EYS: variants seen among roughly 807,000 people sequenced by gnomAD.
EYS encodes EGF-like photoreceptor maintenance factor.
Under a neutral mutation model 282.1 loss-of-function variants are expected in EYS, and 250 were observed. The observed-to-expected ratio is 0.89, with a 90% CI of 0.80 to 0.98. EYS has a LOEUF of 0.98. EYS is among the 50% of genes least tolerant of loss of function. The probability of loss-of-function intolerance (pLI) is 0.00; values close to 1 mark genes in which losing one functional copy is unlikely to be tolerated. For synonymous variants in EYS, 1,355 were observed against 1,282.9 expected (o/e 1.06, Z -1.20); for missense variants, 4,016 against 3,709.0 (o/e 1.08, Z -2.15).
intron 22 of EYS, among the ~76,000 whole-genome samples, chr6:64,722,516 G>GAA (rs544037652): frequency 3.3e-4 from 43 of 130,396 alleles, no homozygotes; most frequent in African/African-American, 1.1e-3. Context: ...TAAATTATTT[G>GAA]AAAAAAAAAA....
chr6:65,092,888 AAG>A lies in EYS; in HGVS notation c.2024-35163_2024-35162del, dbSNP rs1399406123. Among the ~76,000 whole-genome samples, 3 of 152,272 alleles carry A rather than the reference AAG, an allele frequency of 2.0e-5. No homozygotes were observed. The East Asian group carries it at 5.8e-4, about 29-fold the overall frequency. Reference sequence around the variant, plus strand: ...GTGGGAGTCAAAGAAGGAGAATAAAAAGAGAAAAAGGCAGAAAGCTTATCTAA... The same window carrying A: ...GTGGGAGTCAAAGAAGGAGAATAAAAAGAAAAAGGCAGAAAGCTTATCTAA... On this transcript the variant is annotated intron_variant, in intron 12 of 42. Transcript: ENST00000503581.
chr6:64,895,525 A>AT (rs1430703674), intron 18 of EYS, among the ~76,000 whole-genome samples: 1 of 152,224 alleles, frequency 6.6e-6, no homozygotes, highest in African/African-American at 2.4e-5. Context: ...CTGCCTGAAG[A>AT]TTAAATAGCC....
chr6:65,679,617 C>A (rs2149837612), intron 1 of EYS, among the ~76,000 whole-genome samples: 1 of 151,854 alleles, frequency 6.6e-6, no homozygotes, highest in Admixed American at 6.6e-5. Context: ...GAAACCTTTT[C>A]TACAATAAAG....
chr6:65,495,542 C>A lies in EYS; in HGVS notation c.-132G>T. The stretch of plus-strand genomic sequence containing the variant: ...AATTGGAATTGACCTTTTTTCTATA[C>A]CCAAAGTAGCTTTGATGACAATGTG... On this transcript the variant is annotated 5_prime_UTR_variant, in exon 4 of 43. Transcript: ENST00000503581. The A allele has an allele frequency of 1.2e-6, 1 of 839,086 alleles. No individual in the cohort carries two copies. The highest frequency in any genetic ancestry group is 1.9e-6 in the Non-Finnish European group (1 of 526,430). The allele number at this position is 839,086 out of a possible 1,614,324, so 52.0% of individuals were successfully genotyped here.
chr6:63,893,140 T>G (rs993790148), intron 35 of EYS, among the ~76,000 whole-genome samples: 7 of 152,182 alleles, frequency 4.6e-5, no homozygotes, highest in Admixed American at 1.3e-4. Flanking sequence ...GAGGGTAAAT[T>G]AGTTTAGCCT....
At chr6:65,439,901 A>G (rs1012714523) in intron 5 of EYS, among the ~76,000 whole-genome samples, 4 of 152,230 alleles carry the variant, frequency 2.6e-5, no homozygotes, top group Non-Finnish European at 5.9e-5. Flanking sequence ...CTGATAAAAG[A>G]CAAATGAGTG....
intron 35 of EYS, among the ~76,000 whole-genome samples, chr6:63,978,271 T>C (rs1270324899): frequency 6.6e-6 from 1 of 151,994 alleles, no homozygotes; most frequent in African/African-American, 2.4e-5. Flanking sequence ...CTGGTTAGCT[T>C]TCCCCGCCAC....
At chr6:64,513,265 C>A (rs1049859994) in intron 26 of EYS, among the ~76,000 whole-genome samples, 11 of 151,774 alleles carry the variant, frequency 7.2e-5, no homozygotes, top group African/African-American at 2.7e-4. Context: ...GATGCTGTGT[C>A]CTATACTCAC....
chr6:65,039,046 T>G (rs1372329403), intron 13 of EYS, among the ~76,000 whole-genome samples: 1 of 151,510 alleles, frequency 6.6e-6, no homozygotes, highest in East Asian at 1.9e-4. Flanking sequence ...TTATCATTTT[T>G]TCTTTAATGA....
At chr6:64,794,733 A>G (rs532204400) in intron 22 of EYS, among the ~76,000 whole-genome samples, 10 of 152,312 alleles carry the variant, frequency 6.6e-5, no homozygotes, top group African/African-American at 2.4e-4. Context: ...AAATCCTGCC[A>G]TATGTGGCCA....
At chr6:64,628,571 C>T (rs1767682859) in intron 22 of EYS, among the ~76,000 whole-genome samples, 2 of 152,018 alleles carry the variant, frequency 1.3e-5, no homozygotes, top group Non-Finnish European at 1.5e-5. Context: ...TCACACCTGC[C>T]TAATTTTTGT....
At chr6:63,861,058 C>G (rs976333256) in intron 36 of EYS, among the ~76,000 whole-genome samples, 2 of 152,130 alleles carry the variant, frequency 1.3e-5, no homozygotes, top group Non-Finnish European at 1.5e-5. Context: ...TTCAGAGCAC[C>G]AGCATCATAT....
At chr6:64,514,456 GGC>G (rs1210884073) in intron 26 of EYS, among the ~76,000 whole-genome samples, 1 of 151,840 alleles carries the variant, frequency 6.6e-6, no homozygotes, top group Non-Finnish European at 1.5e-5. Context: ...GCCGGGCCAT[GGC>G]CTTGTGACCT....
chr6:65,009,820 C>T (rs563188439), intron 13 of EYS, among the ~76,000 whole-genome samples: 3 of 152,296 alleles, frequency 2.0e-5, no homozygotes, highest in African/African-American at 7.2e-5. Context: ...GGGCTAAAAT[C>T]ATCCAAAGGC....
At chr6:65,002,461 C>T (rs1771496372) in intron 13 of EYS, among the ~76,000 whole-genome samples, 1 of 147,532 alleles carries the variant, frequency 6.8e-6, no homozygotes, top group African/African-American at 2.4e-5. Flanking sequence ...ACAGATATTT[C>T]AGTTTGCTAG....
intron 15 of EYS, among the ~76,000 whole-genome samples, chr6:64,926,671 T>C (rs528406355): frequency 6.0e-4 from 91 of 152,308 alleles, no homozygotes; most frequent in Non-Finnish European, 1.1e-3. Flanking sequence ...TTAACTCTTA[T>C]GTTGATCTCC....
intron 5 of EYS, among the ~76,000 whole-genome samples, chr6:65,442,937 TACGTATATACATGCAC>T (rs1768418203): frequency 2.1e-5 from 2 of 93,318 alleles, no homozygotes; most frequent in Non-Finnish European, 2.9e-5. Flanking sequence ...TATATGTATA[TACGTATATACATGCAC>T]ATACATATGT....
chr6:64,909,403 TG>T (rs1383205674), intron 16 of EYS, among the ~76,000 whole-genome samples: 2 of 152,196 alleles, frequency 1.3e-5, no homozygotes, highest in Non-Finnish European at 2.9e-5. Context: ...AAAACCCATT[TG>T]TTTATAGAAA....
chr6:64,271,293 T>C (rs1767932437), intron 30 of EYS, among the ~76,000 whole-genome samples: 1 of 152,180 alleles, frequency 6.6e-6, no homozygotes, highest in Non-Finnish European at 1.5e-5. Context: ...GTGTTTTTCA[T>C]ACACAGCCAA....
Sources: allele counts gnomAD v4.1 joint callset (sites outside exome capture counted in the v4.1 genomes callset), GRCh38; gene constraint gnomAD v4.1.1; transcripts MANE v1.5; gene names NCBI Gene and HGNC (gene_info 2026-07-23, HGNC 2026-07-21).